The following PRDM15 variants were observed in gnomAD, a reference collection of about 807,000 sequenced individuals.
PRDM15 encodes PR domain zinc finger protein 15.
PRDM15 carries 64 observed loss-of-function variants against 128.6 expected under a neutral mutation model. That is an observed-to-expected ratio of 0.50 (90% CI 0.41 to 0.61). PRDM15 has a LOEUF of 0.61. Ranked by LOEUF, PRDM15 falls within the 20% of genes least tolerant of loss-of-function variation. PRDM15 has a pLI of 0.00. For missense variants in PRDM15, 1,242 were observed against 1,569.1 expected, an observed-to-expected ratio of 0.79 and a Z score of 3.52; for synonymous variants, 615 against 621.8, an observed-to-expected ratio of 0.99 and a Z score of 0.16.
intron 5 of PRDM15, among the ~76,000 whole-genome samples, chr21:41,851,789 T>C (rs925020940): frequency 6.6e-6 from 1 of 152,176 alleles, no homozygotes; most frequent in Non-Finnish European, 1.5e-5. Flanking sequence ...GGAATCGCCA[T>C]GTTCACTACC....
intron 1 of PRDM15, among the ~76,000 whole-genome samples, chr21:41,869,017 G>T (rs1264004738): frequency 6.6e-6 from 1 of 152,022 alleles, no homozygotes; most frequent in Non-Finnish European, 1.5e-5. Flanking sequence ...TGGACTGACA[G>T]GGTTATTTTA....
intron 1 of PRDM15, among the ~76,000 whole-genome samples, chr21:41,865,797 TATA>T (rs2145966504): frequency 6.6e-6 from 1 of 152,266 alleles, no homozygotes; most frequent in African/African-American, 2.4e-5. Flanking sequence ...CAAGCTGGAG[TATA>T]ATGGTCCCAT....
rs375824991 is a variant in PRDM15 at position 41,862,028 on chromosome 21, G to A, written c.-9-1656C>T. The A allele has an allele frequency of 8.2e-6, 13 of 1,582,918 alleles. No homozygotes were observed. Among genetic ancestry groups the A allele is most frequent in the South Asian group, 2.2e-5 (2 of 89,044 alleles). ...AGTTCCTGTGGATGGGCACCTCGGC[G>A]CAAATAGGGACCAGTCTGGGATGGG... On this transcript the variant is annotated intron_variant, in intron 1 of 23. Coordinates refer to ENST00000398548, the MANE Select transcript of PRDM15 (RefSeq NM_001040424.3). This position sits in a 1 kb window ranked among gnomAD's most constrained non-coding sequence, Gnocchi z 4.1.
chr21:41,801,771 G>A (rs1360379979), intron 23 of PRDM15, 49 bp from the exon 24 acceptor site: 6 of 1,574,606 alleles, frequency 3.8e-6, no homozygotes, highest in East Asian at 2.3e-5. Context: ...GCAAAATGGG[G>A]AACGCAAGGA....
chr21:41,826,233 A>C (rs1290280402), intron 12 of PRDM15, among the ~76,000 whole-genome samples, 179 bp from the exon 13 acceptor site: 1 of 152,186 alleles, frequency 6.6e-6, no homozygotes. Flanking sequence ...CATCAGCACT[A>C]ACCACCATTC....
chr21:41,815,649 C>T (rs1235386393), intron 19 of PRDM15, 56 bp downstream of exon 19: 95 of 1,598,234 alleles, frequency 5.9e-5, no homozygotes, highest in Middle Eastern at 5.0e-4. Context: ...CACGGCCCAC[C>T]TGGCTTCCCT....
At chr21:41,834,968 G>T (rs988114349) in intron 11 of PRDM15, among the ~76,000 whole-genome samples, 11 of 152,326 alleles carry the variant, frequency 7.2e-5, no homozygotes, top group Admixed American at 6.5e-4. Flanking sequence ...AAGAATGCGT[G>T]CAGGGGCAAC....
intron 1 of PRDM15, among the ~76,000 whole-genome samples, chr21:41,873,004 C>T (rs1056296214): frequency 3.9e-5 from 6 of 152,144 alleles, no homozygotes; most frequent in African/African-American, 1.4e-4. Flanking sequence ...TATAACTTCC[C>T]GCACCCTGCG....
rs769704633 is a variant in PRDM15 at position 41,822,007 on chromosome 21, C to T, written c.1792G>A (p.Glu598Lys). The T allele has an allele frequency of 3.1e-6, 5 of 1,614,186 alleles. No individual in the cohort carries two copies. The highest frequency in any genetic ancestry group is 3.4e-6 in the Non-Finnish European group (4 of 1,180,052). ...DIALMDDHQR[E>K]EFIGKIGISS... ...ATCCCGATCTTGCCGATAAACTCTT[C>T]CCTCTGGTGGTCATCCATCAACGCG... Residue 598 changes from glutamate to lysine, a missense_variant, in exon 15 of 24, where the codon GAA becomes AAA. Glu to Lys is a moderately conservative substitution (Grantham distance 56). Transcript: ENST00000398548.
At chr21:41,848,450 C>T (rs2063333574) in intron 5 of PRDM15, among the ~76,000 whole-genome samples, 2 of 152,278 alleles carry the variant, frequency 1.3e-5, no homozygotes, top group Non-Finnish European at 2.9e-5. Flanking sequence ...TCTGGGACAC[C>T]CCATCCCCAC....
chr21:41,835,962 AGCCCCC>A, intron 10 of PRDM15, 145 bp downstream of exon 10: 2 of 124,748 alleles, frequency 1.6e-5, no homozygotes, highest in Non-Finnish European at 3.3e-5. Context: ...CCTCCCCCAC[AGCCCCC>A]GCCCACTCTC....
At chr21:41,829,024 TAC>T (rs1327877434) in intron 11 of PRDM15, among the ~76,000 whole-genome samples, 36 of 97,084 alleles carry the variant, frequency 3.7e-4, no homozygotes, top group East Asian at 3.3e-3. Context: ...ACATACACAC[TAC>T]ACACACACGC....
At chr21:41,851,177 G>A (rs898495313) in intron 5 of PRDM15, among the ~76,000 whole-genome samples, 3 of 152,174 alleles carry the variant, frequency 2.0e-5, no homozygotes, top group African/African-American at 7.2e-5. Context: ...CTCTCTGGGA[G>A]TGTCCACCCC....
chr21:41,808,468 C>T lies in PRDM15; in HGVS notation c.2652+1686G>A, dbSNP rs768039766. Among the ~76,000 whole-genome samples, 8 of 152,336 alleles carry T rather than the reference C, an allele frequency of 5.3e-5. No individual in the cohort carries two copies. In the East Asian group the frequency reaches 7.7e-4, roughly 15 times the overall value. On this transcript the variant is annotated intron_variant, in intron 21 of 23. Coordinates refer to ENST00000398548, the MANE Select transcript of PRDM15 (RefSeq NM_001040424.3). ...GAGGAACAGCAACACGGCGACGTCC[C>T]GGGTCACCCCCAAACTAGGGAGCCA...
rs149229971 is a variant in PRDM15 at position 41,878,724 on chromosome 21, G to A, written c.-10+546C>T. On this transcript the variant is annotated intron_variant, in intron 1 of 23. Transcript: ENST00000398548. ...ACTCAGCTTCTCTAAACGCGGGGTT[G>A]GGGGTCCAGGGACCCCCCCGTGCGA... The A allele has an allele frequency of 3.0e-4, 467 of 1,572,936 alleles. 2 individuals carry two copies. The African/African-American group carries it at 5.9e-3, about 20-fold the overall frequency.
At chr21:41,876,645 C>T (rs376632002) in intron 1 of PRDM15, among the ~76,000 whole-genome samples, 4 of 152,268 alleles carry the variant, frequency 2.6e-5, no homozygotes, top group East Asian at 1.9e-4. Flanking sequence ...GAGGAGCGGA[C>T]GTGGCCCCGG....
At chr21:41,808,868 T>C (rs1378888141) in intron 21 of PRDM15, among the ~76,000 whole-genome samples, 1 of 152,214 alleles carries the variant, frequency 6.6e-6, no homozygotes, top group Admixed American at 6.5e-5. Context: ...AGGGTTGGAA[T>C]AGGGGTTGGA....
chr21:41,839,991 T>C (rs1250777229), intron 6 of PRDM15, 138 bp from the exon 7 acceptor site: 3 of 671,164 alleles, frequency 4.5e-6, no homozygotes, highest in Non-Finnish European at 7.7e-6. Context: ...ACTTTATTTC[T>C]ACTGTTTTAT....
chr21:41,808,109 A>C (rs149604069), intron 21 of PRDM15, among the ~76,000 whole-genome samples: 40 of 152,306 alleles, frequency 2.6e-4, no homozygotes, highest in African/African-American at 9.4e-4. Flanking sequence ...CTTTATCAAT[A>C]CGCGGAAGTC....
Sources: gnomAD v4.1 joint callset for allele counts (sites outside exome capture counted in the v4.1 genomes callset) on GRCh38, gnomAD v4.1.1 for gene constraint, Gnocchi (gnomAD v3.1) non-coding constraint, MANE v1.5 for transcripts, NCBI Gene and HGNC (gene_info 2026-07-23, HGNC 2026-07-21) for gene names.